Variants in MBP observed in about 807,000 individuals in gnomAD.
The protein encoded by MBP is myelin basic protein.
A neutral mutation model predicts 35.8 loss-of-function variants in MBP; 16 were observed. That is an observed-to-expected ratio of 0.45 (90% CI 0.30 to 0.68). The LOEUF (loss-of-function observed/expected upper bound fraction) is 0.68. Ranked by LOEUF, MBP falls within the 30% of genes least tolerant of loss-of-function variation. MBP has a pLI of 0.08. For synonymous variants in MBP, 143 were observed against 159.6 expected, an observed-to-expected ratio of 0.90 and a Z score of 0.78; for missense variants, 380 against 404.7, an observed-to-expected ratio of 0.94 and a Z score of 0.52.
In MBP at chr18:76,988,994, G is replaced by C; in HGVS notation, c.682-82C>G. The C allele has an allele frequency of 7.2e-7, 1 of 1,381,734 alleles. No homozygotes were observed. Among genetic ancestry groups the C allele is most frequent in the Non-Finnish European group, 1.0e-6 (1 of 968,188 alleles). 85.6% of individuals were successfully genotyped at this position (1,381,734 alleles called of 1,614,324 possible). On this transcript the variant is annotated intron_variant, in intron 5 of 8. Coordinates refer to ENST00000355994, the MANE Select transcript of MBP (RefSeq NM_001025101.2). The surrounding 1 kb of genome is among the most constrained non-coding windows in gnomAD (Gnocchi z 5.2). Reference sequence around the variant, plus strand: ...TCCTAACGGGCTCCTGCCTGCTGAGGGTGGCTAGCATCCATCAGCTGCCAG... The same window carrying C: ...TCCTAACGGGCTCCTGCCTGCTGAGCGTGGCTAGCATCCATCAGCTGCCAG...
intron 2 of MBP, among the ~76,000 whole-genome samples, chr18:77,098,503 T>A (rs1180949988): frequency 6.6e-6 from 1 of 152,212 alleles, no homozygotes; most frequent in Non-Finnish European, 1.5e-5. Context: ...ATTTAAAACA[T>A]TCCTTTCAGT....
intron 2 of MBP, among the ~76,000 whole-genome samples, chr18:77,069,174 T>A (rs1291214322): frequency 6.6e-6 from 1 of 152,238 alleles, no homozygotes; most frequent in Admixed American, 6.5e-5. Context: ...GCACAGTGCC[T>A]GGCGCCCAGA....
intron 2 of MBP, among the ~76,000 whole-genome samples, chr18:77,085,974 G>A (rs1429298795): frequency 2.0e-5 from 3 of 152,038 alleles, no homozygotes; most frequent in Non-Finnish European, 2.9e-5. Context: ...GAACCACCGC[G>A]CCCGGCCCTC....
At chr18:77,079,436 A>G (rs1171329334) in intron 2 of MBP, among the ~76,000 whole-genome samples, 9 of 152,206 alleles carry the variant, frequency 5.9e-5, no homozygotes, top group African/African-American at 1.9e-4. Flanking sequence ...CAGGACATAC[A>G]ATGTTTAGGG....
chr18:76,987,157 T>C (rs1427527323), intron 7 of MBP: 2 of 985,326 alleles, frequency 2.0e-6, no homozygotes, highest in African/African-American at 3.5e-5. Flanking sequence ...TCGCTCCACA[T>C]TCAGGGAGGA....
chr18:76,987,301 A>G (rs577921396), intron 7 of MBP: 28 of 985,460 alleles, frequency 2.8e-5, no homozygotes, highest in Non-Finnish European at 3.4e-5. Flanking sequence ...TAGAAAATAA[A>G]AAATTAATTG....
At chr18:77,072,720 G>T (rs932463533) in intron 2 of MBP, among the ~76,000 whole-genome samples, 1 of 152,194 alleles carries the variant, frequency 6.6e-6, no homozygotes, top group Admixed American at 6.5e-5. Context: ...CAGGACTCCT[G>T]GTGTGGCAGC....
At chr18:77,117,566 G>A (rs1024363146) in intron 1 of MBP, among the ~76,000 whole-genome samples, 3 of 152,032 alleles carry the variant, frequency 2.0e-5, no homozygotes, top group East Asian at 1.9e-4. Context: ...TCATAGTTCC[G>A]TGGCTTGCCT....
intron 3 of MBP, among the ~76,000 whole-genome samples, chr18:77,063,880 A>G (rs1974083976): frequency 7.1e-6 from 1 of 140,752 alleles, no homozygotes; most frequent in Admixed American, 7.4e-5. Flanking sequence ...TCCATGCTGT[A>G]TATATACCTA....
In MBP at chr18:77,035,440, A is replaced by G. The variant is rs193016917; in HGVS notation, c.140-18172T>C. On this transcript the variant is annotated intron_variant, in intron 3 of 8. Transcript: ENST00000355994. ...AATCTATCCTGTTTTTCTCTTTCTC[A>G]GTTCAAAATGTGCTTCAGTCAAAGA... Among the ~76,000 whole-genome samples the G allele has an allele frequency of 2.0e-5, 3 of 152,354 alleles. No individual in the cohort carries two copies. In the East Asian group the frequency reaches 5.8e-4, roughly 29 times the overall value.
chr18:77,043,540 T>A (rs765820194), intron 3 of MBP, among the ~76,000 whole-genome samples: 1 of 152,138 alleles, frequency 6.6e-6, no homozygotes, highest in Non-Finnish European at 1.5e-5. Context: ...CCCGGGGACC[T>A]GCTGGTGACC....
chr18:77,085,682 A>C (rs867490452), intron 2 of MBP, among the ~76,000 whole-genome samples: 3 of 108,150 alleles, frequency 2.8e-5, no homozygotes, highest in Non-Finnish European at 4.0e-5. Flanking sequence ...CAGTGCAATA[A>C]GTTTTTTTTT....
chr18:76,998,890 A>G (rs1003739245), intron 4 of MBP, among the ~76,000 whole-genome samples: 7 of 152,000 alleles, frequency 4.6e-5, no homozygotes, highest in African/African-American at 1.5e-4. Flanking sequence ...GTAGAAACGC[A>G]CCACCTACTC....
Position 76,988,976 on chromosome 18 carries a change from G to T in MBP, c.682-64C>A, listed in dbSNP as rs999886307. ...CCTGTGCCGCCGTCCATTTCCTAAC[G>T]GGCTCCTGCCTGCTGAGGGTGGCTA... is the stretch of plus-strand genomic sequence containing the variant. On this transcript the variant is annotated intron_variant, in intron 5 of 8. Coordinates refer to ENST00000355994, the MANE Select transcript of MBP (RefSeq NM_001025101.2). This position sits in a 1 kb window ranked among gnomAD's most constrained non-coding sequence, Gnocchi z 5.2. The T allele has an allele frequency of 6.6e-7, 1 of 1,516,484 alleles. No homozygotes were observed. Among genetic ancestry groups the T allele is most frequent in the Non-Finnish European group, 9.2e-7 (1 of 1,090,940 alleles). The allele number at this position is 1,516,484 out of a possible 1,614,324, so 93.9% of individuals were successfully genotyped here. A position where few individuals can be genotyped will look rare whatever the true frequency, so the allele number is the denominator to read the frequency against.
chr18:77,102,318 A>G lies in MBP; in HGVS notation c.51+2893T>C, dbSNP rs1976062230. Among the ~76,000 whole-genome samples, 1 of 152,142 alleles carries G rather than the reference A, an allele frequency of 6.6e-6. No homozygotes were observed. Among genetic ancestry groups the G allele is most frequent in the Admixed American group, 6.5e-5 (1 of 15,274 alleles). On this transcript the variant is annotated intron_variant, in intron 2 of 8. Coordinates refer to ENST00000355994, the MANE Select transcript of MBP (RefSeq NM_001025101.2). The surrounding 1 kb of genome is among the most constrained non-coding windows in gnomAD (Gnocchi z 4.4). ...TTTCCTTGACTCTCTCATAAGGGGG[A>G]AAAATGCCTCCCAGAATCACACACA...
chr18:77,110,741 A>T (rs181240108), intron 1 of MBP, among the ~76,000 whole-genome samples: 1 of 152,324 alleles, frequency 6.6e-6, no homozygotes, highest in African/African-American at 2.4e-5. Context: ...GATAAATTAG[A>T]TAAGATTTTT....
intron 2 of MBP, among the ~76,000 whole-genome samples, chr18:77,085,978 G>A (rs1377286591): frequency 2.0e-5 from 3 of 152,076 alleles, no homozygotes; most frequent in East Asian, 1.9e-4. Flanking sequence ...CACCGCGCCC[G>A]GCCCTCAGTG....
At chr18:77,062,123 CCA>C (rs765414398) in intron 3 of MBP, among the ~76,000 whole-genome samples, 48 of 152,320 alleles carry the variant, frequency 3.2e-4, no homozygotes, top group Non-Finnish European at 4.6e-4. Flanking sequence ...CTGAGAGGAA[CCA>C]CAGTCAGTCA....
intron 2 of MBP, among the ~76,000 whole-genome samples, chr18:77,074,723 C>A (rs1427219781): frequency 6.6e-6 from 1 of 152,194 alleles, no homozygotes; most frequent in Non-Finnish European, 1.5e-5. Context: ...GATTCCCAGA[C>A]ACAGCCTGCA....
Sources: gnomAD v4.1 joint callset for allele counts (sites outside exome capture counted in the v4.1 genomes callset) on GRCh38, gnomAD v4.1.1 for gene constraint, Gnocchi (gnomAD v3.1) non-coding constraint, MANE v1.5 for transcripts, NCBI Gene and HGNC (gene_info 2026-07-23, HGNC 2026-07-21) for gene names.